The following APLF variants were observed in gnomAD, a reference collection of about 807,000 sequenced individuals.
The protein encoded by APLF is aprataxin and PNK-like factor.
A neutral mutation model predicts 55.6 loss-of-function variants in APLF; 61 were observed. The ratio of observed to expected loss-of-function variants is 1.10; its 90% CI spans 0.89 to 1.36. The LOEUF (loss-of-function observed/expected upper bound fraction) is 1.36. APLF is among the 40% of genes most tolerant of loss of function. The pLI, the probability that APLF is intolerant of heterozygous loss-of-function variation, is 0.00. For synonymous variants in APLF, 207 were observed against 214.8 expected (o/e 0.96, Z 0.32); for missense variants, 611 against 602.5 (o/e 1.01, Z -0.15).
chr2:68,545,906 A>C (rs898748239), intron 8 of APLF, among the ~76,000 whole-genome samples: 5 of 152,166 alleles, frequency 3.3e-5, no homozygotes, highest in Admixed American at 6.6e-5. Context: ...ACTTTGCTTA[A>C]TAGATGAATG....
intron 6 of APLF, among the ~76,000 whole-genome samples, chr2:68,533,287 A>T (rs1478453964): frequency 6.6e-6 from 1 of 152,232 alleles, no homozygotes; most frequent in African/African-American, 2.4e-5. Flanking sequence ...AGTTTGTGAT[A>T]TTCTGTTATC....
chr2:68,504,594 A>G (rs1351287382), intron 3 of APLF, among the ~76,000 whole-genome samples: 3 of 151,474 alleles, frequency 2.0e-5, no homozygotes, highest in Admixed American at 6.6e-5. Context: ...AAAAGTTTTG[A>G]GAAAACAAGA....
chr2:68,575,393 TGAGTA>T, intron 9 of APLF, among the ~76,000 whole-genome samples: 1 of 152,142 alleles, frequency 6.6e-6, no homozygotes, highest in Non-Finnish European at 1.5e-5. Flanking sequence ...GTGGGCTAGT[TGAGTA>T]GAGTCTTCAA....
chr2:68,565,673 A>G (rs1245301003), intron 8 of APLF, among the ~76,000 whole-genome samples: 2 of 152,106 alleles, frequency 1.3e-5, no homozygotes, highest in South Asian at 2.1e-4. Flanking sequence ...TTTGTTTACC[A>G]ATATCACAAT....
At chr2:68,525,805 A>C (rs1446013451) in intron 5 of APLF, among the ~76,000 whole-genome samples, 1 of 122,794 alleles carries the variant, frequency 8.1e-6, no homozygotes, top group Non-Finnish European at 1.6e-5. Flanking sequence ...ACTGGAGTGC[A>C]GTGGTGTGAT....
Position 68,567,531 on chromosome 2 carries a change from T to C in APLF, c.1333+144T>C, listed in dbSNP as rs994306629. ...TTGCTGATTTTAATGATTTTTCTTA[T>C]ATTAAAAAAAAACACAACTGTGACC... On this transcript the variant is annotated intron_variant, in intron 9 of 9. Transcript: ENST00000303795. 4 of 679,118 alleles carry C rather than the reference T, an allele frequency of 5.9e-6. No individual in the cohort carries two copies. In the Admixed American group the frequency reaches 9.7e-5, roughly 17 times the overall value. The allele number at this position is 679,118 out of a possible 1,614,324, so 42.1% of individuals were successfully genotyped here.
At chr2:68,545,006 T>C (rs1670660601) in intron 7 of APLF, among the ~76,000 whole-genome samples, 181 bp from the exon 8 acceptor site, 1 of 152,194 alleles carries the variant, frequency 6.6e-6, no homozygotes, top group South Asian at 2.1e-4. Context: ...TGAGTTTATG[T>C]CATCAACTTT....
chr2:68,492,968 GTCATAGCC>G (rs1461518016), intron 2 of APLF, among the ~76,000 whole-genome samples: 13 of 152,186 alleles, frequency 8.5e-5, no homozygotes, highest in Admixed American at 6.5e-4. Context: ...AACTTAGAAT[GTCATAGCC>G]TTCTGGAGAA....
In APLF at chr2:68,506,618, A is replaced by G. The variant is rs1343082575; in HGVS notation, c.341+3715A>G. ...ACAGATGAAGAAATTGGGACACAGA[A>G]GGTTTAAGACTTGCCCAAGGTCACA... On this transcript the variant is annotated intron_variant, in intron 3 of 9. Transcript: ENST00000303795. Among the ~76,000 whole-genome samples, 4 of 152,152 alleles carry G rather than the reference A, an allele frequency of 2.6e-5. No homozygotes were observed. In the East Asian group the frequency reaches 5.8e-4, roughly 22 times the overall value.
At chr2:68,563,716 A>C (rs1200512947) in intron 8 of APLF, among the ~76,000 whole-genome samples, 1 of 152,048 alleles carries the variant, frequency 6.6e-6, no homozygotes, top group Non-Finnish European at 1.5e-5. Flanking sequence ...AGCATTTCTA[A>C]AGCAGCTTTT....
Position 68,526,045 on chromosome 2 carries a change from T to C in APLF, c.623-16T>C. 6.3e-7 allele frequency: 1 copy of C among 1,580,238 alleles called. No individual in the cohort carries two copies. Among genetic ancestry groups the C allele is most frequent in the Admixed American group, 1.9e-5 (1 of 51,308 alleles). On this transcript the variant is annotated splice_polypyrimidine_tract_variant and intron_variant, in intron 5 of 9. Coordinates refer to ENST00000303795, the MANE Select transcript of APLF (RefSeq NM_173545.3). ...ATACAGAAGATAATTTTCTTCTTTT[T>C]CTTTATGTGTTTAAGGTAATGTAAT... is the stretch of plus-strand genomic sequence containing the variant.
At chr2:68,488,677 T>A (rs1211661804) in intron 1 of APLF, among the ~76,000 whole-genome samples, 1 of 152,090 alleles carries the variant, frequency 6.6e-6, no homozygotes, top group African/African-American at 2.4e-5. Context: ...TGCTGCCTAC[T>A]TGGAGAGTGA....
chr2:68,535,186 T>G (rs1670353267), intron 6 of APLF: 1 of 296,118 alleles, frequency 3.4e-6, no homozygotes, highest in African/African-American at 2.3e-5. Context: ...TCTTCTCTAA[T>G]TCATGGAAGT....
chr2:68,513,132 C>A lies in APLF; in HGVS notation c.394C>A (p.Pro132Thr). Reference sequence around the variant, plus strand: ...TATATTGAATGAAACACCAAAATCCCCCGTGATTAATTTACCTCATGAGAC... The same window carrying A: ...TATATTGAATGAAACACCAAAATCCACCGTGATTAATTTACCTCATGAGAC... ...DNILNETPKS[P>T]VINLPHETTG... Residue 132 changes from proline (P) to threonine (T), a missense_variant, in exon 4 of 10, where the codon CCC (proline) becomes ACC (threonine). Coordinates refer to ENST00000303795, the MANE Select transcript of APLF (RefSeq NM_173545.3). 6.2e-7 allele frequency: 1 copy of A among 1,611,074 alleles called. No individual in the cohort carries two copies. The highest frequency in any genetic ancestry group is 1.1e-5 in the South Asian group (1 of 90,886).
intron 8 of APLF, among the ~76,000 whole-genome samples, chr2:68,548,203 A>C (rs1670758500): frequency 6.6e-6 from 1 of 151,882 alleles, no homozygotes; most frequent in Admixed American, 6.6e-5. Context: ...TTATTTTCTA[A>C]AACAAGAAAC....
chr2:68,507,463 A>G (rs1162135787), intron 3 of APLF, among the ~76,000 whole-genome samples: 1 of 151,962 alleles, frequency 6.6e-6, no homozygotes. Flanking sequence ...AAGTCTATAG[A>G]TGTCAGTTCT....
chr2:68,519,019 T>TAATATATGATTAATATATAATA (rs1395918074), intron 5 of APLF, among the ~76,000 whole-genome samples: 13 of 111,216 alleles, frequency 1.2e-4, no homozygotes, highest in Non-Finnish European at 2.1e-4. Flanking sequence ...TATATAATAA[T>TAATATATGATTAATATATAATA]ATATAATATA....
intron 7 of APLF, among the ~76,000 whole-genome samples, chr2:68,539,516 T>C (rs924645399): frequency 1.3e-5 from 2 of 152,206 alleles, no homozygotes; most frequent in African/African-American, 2.4e-5. Context: ...CCCACCCTTA[T>C]GACCTCGTTT....
chr2:68,543,097 GA>G (rs1388446849), intron 7 of APLF, among the ~76,000 whole-genome samples: 1 of 152,102 alleles, frequency 6.6e-6, no homozygotes, highest in Non-Finnish European at 1.5e-5. Flanking sequence ...AGAGTAGTTA[GA>G]TTCATAAAAA....
Sources: gnomAD v4.1 joint callset for allele counts (sites outside exome capture counted in the v4.1 genomes callset) on GRCh38, gnomAD v4.1.1 for gene constraint, MANE v1.5 for transcripts, NCBI Gene and HGNC (gene_info 2026-07-23, HGNC 2026-07-21) for gene names.